Variants in P3H2 observed in about 807,000 individuals in gnomAD.
The protein encoded by P3H2 is prolyl 3-hydroxylase 2.
Under a neutral mutation model 87.0 loss-of-function variants are expected in P3H2, and 80 were observed. The ratio of observed to expected loss-of-function variants is 0.92; its 90% CI spans 0.77 to 1.11. The LOEUF is 1.11. P3H2 is among the 50% of genes least tolerant of loss of function. The pLI is 0.00. For synonymous variants in P3H2, 367 were observed against 359.3 expected, an observed-to-expected ratio of 1.02 and a Z score of -0.24; for missense variants, 1,001 against 923.9, an observed-to-expected ratio of 1.08 and a Z score of -1.08.
chr3:190,117,805 A>C (rs1383511307), intron 1 of P3H2, among the ~76,000 whole-genome samples: 1 of 152,178 alleles, frequency 6.6e-6, no homozygotes, highest in Non-Finnish European at 1.5e-5. Flanking sequence ...AGAGGTTCAC[A>C]AACTCCAACT....
intron 1 of P3H2, among the ~76,000 whole-genome samples, chr3:190,029,221 C>G (rs1177116068): frequency 1.3e-5 from 2 of 152,180 alleles, no homozygotes; most frequent in African/African-American, 4.8e-5. Flanking sequence ...AGCTGAGAAC[C>G]ATTGATTCAA....
intron 1 of P3H2, among the ~76,000 whole-genome samples, chr3:190,112,930 GA>G (rs138551216): frequency 9.7e-5 from 14 of 144,820 alleles, no homozygotes; most frequent in South Asian, 4.4e-4. Flanking sequence ...AAGATGAATG[GA>G]AAAAAAAAAG....
chr3:190,022,913 A>G (rs527476132), intron 1 of P3H2, among the ~76,000 whole-genome samples: 375 of 151,588 alleles, frequency 2.5e-3, no homozygotes, highest in African/African-American at 7.5e-3. Flanking sequence ...TGCAAGTTCC[A>G]CCTCCCGGGT....
At position 190,070,819 on chromosome 3, in the gene P3H2, G is replaced by T. The variant is rs547998698; in HGVS notation, c.480+49433C>A. Among the ~76,000 whole-genome samples, 26 of 152,168 alleles carry T rather than the reference G, an allele frequency of 1.7e-4. No homozygotes were observed. The South Asian group carries it at 5.4e-3, about 32-fold the overall frequency. ...CCCTTGCTACAGCTTCCATTTTCAC[G>T]CTTATGCATTGCTCACACTTCATTA... is the stretch of plus-strand genomic sequence containing the variant. On this transcript the variant is annotated intron_variant, in intron 1 of 14. Coordinates refer to ENST00000319332, the MANE Select transcript of P3H2 (RefSeq NM_018192.4).
intron 1 of P3H2, among the ~76,000 whole-genome samples, chr3:190,054,028 AG>A (rs755269593): frequency 4.6e-5 from 7 of 152,162 alleles, no homozygotes; most frequent in Non-Finnish European, 1.0e-4. Context: ...TTCATACATT[AG>A]TAGAAAATCA....
At position 190,022,544 on chromosome 3, in the gene P3H2, T is replaced by C. The variant is rs1560366109; in HGVS notation, c.481-27102A>G. Among the ~76,000 whole-genome samples the C allele has an allele frequency of 2.2e-5, 3 of 135,204 alleles. 1 individual carries two copies. Among genetic ancestry groups the C allele is most frequent in the Middle Eastern group, 3.4e-3 (1 of 290 alleles). 88.7% of individuals were successfully genotyped at this position (135,204 alleles called of 152,430 possible). A position where few individuals can be genotyped will look rare whatever the true frequency, so the allele number is the denominator to read the frequency against. ...TGTATATACTTTTTTATTTAACATA[T>C]TATCCTCCAAGAAACATTATTTGTT... On this transcript the variant is annotated intron_variant, in intron 1 of 14. Coordinates refer to ENST00000319332, the MANE Select transcript of P3H2 (RefSeq NM_018192.4).
chr3:190,028,573 T>C (rs1725154670), intron 1 of P3H2, among the ~76,000 whole-genome samples: 1 of 152,222 alleles, frequency 6.6e-6, no homozygotes, highest in Admixed American at 6.5e-5. Flanking sequence ...ATGATCTTTT[T>C]GACCACAAGT....
At chr3:190,067,311 T>C (rs1054517708) in intron 1 of P3H2, among the ~76,000 whole-genome samples, 2 of 152,002 alleles carry the variant, frequency 1.3e-5, no homozygotes, top group Non-Finnish European at 2.9e-5. Flanking sequence ...AAGGAAGAAG[T>C]GGGAGGAATA....
chr3:190,095,329 T>TAC (rs1727538332), intron 1 of P3H2, among the ~76,000 whole-genome samples: 4 of 118,712 alleles, frequency 3.4e-5, no homozygotes, highest in Admixed American at 3.3e-4. Context: ...TATATATATA[T>TAC]ATATATATAT....
chr3:189,969,274 G>A, intron 13 of P3H2: 1 of 870,256 alleles, frequency 1.1e-6, no homozygotes. Flanking sequence ...CTCTGGAACT[G>A]TGGTCATGTT....
intron 1 of P3H2, among the ~76,000 whole-genome samples, chr3:190,049,131 G>A (rs1290380865): frequency 6.6e-6 from 1 of 152,082 alleles, no homozygotes; most frequent in African/African-American, 2.4e-5. Flanking sequence ...AGTCAGAAGA[G>A]GAAGAAAAAC....
At chr3:190,080,115 T>C (rs570010423) in intron 1 of P3H2, among the ~76,000 whole-genome samples, 2 of 152,302 alleles carry the variant, frequency 1.3e-5, no homozygotes, top group Non-Finnish European at 2.9e-5. Flanking sequence ...CCGTAGAATC[T>C]TGAAAATCAG....
intron 1 of P3H2, among the ~76,000 whole-genome samples, chr3:190,052,120 C>T (rs1430336682): frequency 8.5e-5 from 13 of 152,124 alleles, no homozygotes; most frequent in Admixed American, 1.3e-4. Context: ...ACGTGCAGAA[C>T]GTGCAGGATT....
rs576706040 is a variant in P3H2 at position 189,987,450 on chromosome 3, G to A, written c.1098+77C>T. 1.2e-4 allele frequency: 181 copies of A among 1,502,990 alleles called. No homozygotes were observed. The African/African-American group carries it at 2.3e-3, about 19-fold the overall frequency. The allele number at this position is 1,502,990 out of a possible 1,614,324, so 93.1% of individuals were successfully genotyped here. On this transcript the variant is annotated intron_variant, in intron 5 of 14. Transcript: ENST00000319332. ...GCCAAGATTGTGCCATTGCACTCCA[G>A]CCTGGGCAACAAGAGCGAAACTCTG... is the stretch of plus-strand genomic sequence containing the variant.
At chr3:190,006,964 T>C (rs1351873818) in intron 1 of P3H2, among the ~76,000 whole-genome samples, 2 of 152,188 alleles carry the variant, frequency 1.3e-5, no homozygotes, top group Non-Finnish European at 2.9e-5. Flanking sequence ...GATAGATATA[T>C]CTATGCATTA....
intron 1 of P3H2, among the ~76,000 whole-genome samples, chr3:190,007,937 G>A (rs137889483): frequency 0.013 from 910 of 69,362 alleles, 13 homozygotes; most frequent in African/African-American, 0.041. Context: ...AAACTAATCA[G>A]CTGCCTGAGA....
At chr3:190,114,943 T>C (rs980692022) in intron 1 of P3H2, among the ~76,000 whole-genome samples, 3 of 152,220 alleles carry the variant, frequency 2.0e-5, no homozygotes, top group Non-Finnish European at 4.4e-5. Context: ...ATCTATATGA[T>C]GCACTTGTCT....
At chr3:190,082,414 C>T (rs1007851096) in intron 1 of P3H2, among the ~76,000 whole-genome samples, 1 of 152,084 alleles carries the variant, frequency 6.6e-6, no homozygotes, top group Non-Finnish European at 1.5e-5. Flanking sequence ...ATAATGCCCA[C>T]CCAAAGATTC....
intron 1 of P3H2, among the ~76,000 whole-genome samples, chr3:190,070,525 T>G (rs1208658093): frequency 6.6e-6 from 1 of 152,138 alleles, no homozygotes; most frequent in East Asian, 1.9e-4. Context: ...TCCTCTCATC[T>G]TTTCCAGCAT....
Sources: gnomAD v4.1 joint callset for allele counts (sites outside exome capture counted in the v4.1 genomes callset) on GRCh38, gnomAD v4.1.1 for gene constraint, MANE v1.5 for transcripts, NCBI Gene and HGNC (gene_info 2026-07-23, HGNC 2026-07-21) for gene names.